GYPE: variants seen among roughly 807,000 people sequenced by gnomAD.
GYPE encodes the protein glycophorin E (MNS blood group).
A neutral mutation model predicts 11.6 loss-of-function variants in GYPE; 8 were observed. The observed-to-expected ratio is 0.69, with a 90% CI of 0.41 to 1.25. The LOEUF is 1.25. GYPE is among the 50% of genes most tolerant of loss of function. The pLI is 0.01. For missense variants in GYPE, 90 were observed against 92.8 expected, an observed-to-expected ratio of 0.97 and a Z score of 0.12; for synonymous variants, 28 against 29.6, an observed-to-expected ratio of 0.94 and a Z score of 0.18.
At chr4:143,878,538 T>G (rs1313005779) in intron 2 of GYPE, 8 of 421,904 alleles carry the variant, frequency 1.9e-5, no homozygotes, top group Non-Finnish European at 3.3e-5. Context: ...CAACATATGC[T>G]CTTCTGTTTT....
chr4:143,876,332 T>C (rs1400019676), intron 3 of GYPE, among the ~76,000 whole-genome samples: 12 of 152,302 alleles, frequency 7.9e-5, no homozygotes, highest in African/African-American at 2.6e-4. Flanking sequence ...CAGGCTGGTC[T>C]CAAACTCCTG....
At chr4:143,899,248 G>A (rs1267165599) in intron 1 of GYPE, among the ~76,000 whole-genome samples, 1 of 150,792 alleles carries the variant, frequency 6.6e-6, no homozygotes, top group African/African-American at 2.4e-5. Context: ...ACATCACTAG[G>A]TATGGTACAG....
At chr4:143,880,749 A>G (rs1743993972) in intron 1 of GYPE, among the ~76,000 whole-genome samples, 1 of 152,330 alleles carries the variant, frequency 6.6e-6, no homozygotes, top group South Asian at 2.1e-4. Context: ...GTTTACAGAT[A>G]AAGTGTGCCT....
intron 3 of GYPE, among the ~76,000 whole-genome samples, chr4:143,875,909 G>A (rs566352603): frequency 6.6e-6 from 1 of 151,988 alleles, no homozygotes; most frequent in African/African-American, 2.4e-5. Context: ...GGGAGGCAGA[G>A]GCTGCAGTGA....
chr4:143,900,032 T>C (rs1477831289), intron 1 of GYPE, among the ~76,000 whole-genome samples: 3 of 137,056 alleles, frequency 2.2e-5, no homozygotes, highest in East Asian at 2.2e-4. Flanking sequence ...AGGAAAAGAT[T>C]TGCAAATAGT....
chr4:143,874,216 G>A (rs58456882), intron 3 of GYPE, among the ~76,000 whole-genome samples: 37,175 of 151,612 alleles, frequency 0.25, 4,707 homozygotes, highest in East Asian at 0.36. Context: ...GAAAAAAAGT[G>A]TAAAGAAAAA....
chr4:143,875,323 A>G, intron 3 of GYPE: 1 of 730,742 alleles, frequency 1.4e-6, no homozygotes, highest in Non-Finnish European at 2.2e-6. Context: ...AATAATTTGT[A>G]TTTTGTTTTA....
At chr4:143,891,943 A>G (rs1477842889) in intron 1 of GYPE, among the ~76,000 whole-genome samples, 2 of 151,686 alleles carry the variant, frequency 1.3e-5, no homozygotes, top group Non-Finnish European at 2.9e-5. Flanking sequence ...CTGGTCCTGG[A>G]CTCTTTTTGG....
At chr4:143,872,886 AG>A (rs1312620369) in intron 3 of GYPE, among the ~76,000 whole-genome samples, 1 of 151,394 alleles carries the variant, frequency 6.6e-6, no homozygotes, top group African/African-American at 2.4e-5. Context: ...AGAGGGTTGA[AG>A]GGGGCAGGCC....
chr4:143,876,847 G>A lies in GYPE; in HGVS notation c.145C>T (p.Leu49Phe), dbSNP rs1428631918. The A allele has an allele frequency of 6.3e-7, 1 of 1,598,672 alleles. No homozygotes were observed. Among genetic ancestry groups the A allele is most frequent in the African/African-American group, 1.3e-5 (1 of 74,716 alleles). Residue 49 changes from leucine (L) to phenylalanine (F), a missense_variant, in exon 3 of 4, where the codon CTC becomes TTC. Physicochemically the swap from Leu to Phe is conservative, Grantham distance 22. Coordinates refer to ENST00000358615, the MANE Select transcript of GYPE (RefSeq NM_198682.3). Reference sequence around the variant, plus strand: ...CGAGCCATCGCCCACCAATTAATGAGTGTTATCCCTACAGGAGATAAAGAG... The same window carrying A: ...CGAGCCATCGCCCACCAATTAATGAATGTTATCCCTACAGGAGATAAAGAG... Reference protein sequence around the residue: ...YISSQTNGITLINWWAMARVI... With the variant: ...YISSQTNGITFINWWAMARVI...
chr4:143,903,223 G>T (rs972511735), intron 1 of GYPE, among the ~76,000 whole-genome samples: 1 of 151,654 alleles, frequency 6.6e-6, no homozygotes, highest in African/African-American at 2.4e-5. Context: ...ATTTTAATAA[G>T]ATAGTTGTTG....
chr4:143,881,344 A>G (rs981871356), intron 1 of GYPE, among the ~76,000 whole-genome samples: 3 of 152,108 alleles, frequency 2.0e-5, no homozygotes, highest in African/African-American at 7.2e-5. Flanking sequence ...AAGTTATTTT[A>G]TAAAATTTTA....
chr4:143,890,088 G>A (rs1007956699), intron 1 of GYPE, among the ~76,000 whole-genome samples: 10 of 152,156 alleles, frequency 6.6e-5, no homozygotes, highest in African/African-American at 2.4e-4. Flanking sequence ...GCAAATCAGG[G>A]CTAAATGAAG....
chr4:143,900,029 G>T (rs1481292556), intron 1 of GYPE, among the ~76,000 whole-genome samples: 1 of 135,804 alleles, frequency 7.4e-6, no homozygotes, highest in Admixed American at 7.8e-5. Context: ...TGAAGGAAAA[G>T]ATTTGCAAAT....
chr4:143,905,488 A>G lies in GYPE; in HGVS notation c.20T>C (p.Phe7Ser). 1 of 1,613,270 alleles carries G rather than the reference A, an allele frequency of 6.2e-7. No individual in the cohort carries two copies. The highest frequency in any genetic ancestry group is 8.5e-7 in the Non-Finnish European group (1 of 1,179,342). Residue 7 changes from phenylalanine to serine, a missense_variant, in exon 1 of 4, where the codon TTT becomes TCT. By Grantham distance (155) the Phe-to-Ser change is radical. Coordinates refer to ENST00000358615, the MANE Select transcript of GYPE (RefSeq NM_198682.3). Reference sequence around the variant, plus strand: ...TCACTTACCTGACAATAGTAATACAAAGATTATTTTTCCATACATCCTGAG... The same window carrying G: ...TCACTTACCTGACAATAGTAATACAGAGATTATTTTTCCATACATCCTGAG... MYGKII[F>S]VLLLSGIVSI...
At position 143,905,541 on chromosome 4, in the gene GYPE, C is replaced by CA. The variant is rs1745026172; in HGVS notation, c.-35dup. On this transcript the variant is annotated 5_prime_UTR_variant, in exon 1 of 4. Transcript: ENST00000358615. Reference sequence around the variant, plus strand: ...CACGAGCTGGCTCCTGAAGTTAGTGCAAAAAAACTACCAAAGACAACTGCA... The same window carrying CA: ...CACGAGCTGGCTCCTGAAGTTAGTGCAAAAAAAACTACCAAAGACAACTGCA... The CA allele has an allele frequency of 5.6e-6, 9 of 1,612,372 alleles. No homozygotes were observed. Among genetic ancestry groups the CA allele is most frequent in the African/African-American group, 2.7e-5 (2 of 74,774 alleles).
At chr4:143,901,466 C>T (rs1744865597) in intron 1 of GYPE, among the ~76,000 whole-genome samples, 1 of 17,814 alleles carries the variant, frequency 5.6e-5, no homozygotes, top group African/African-American at 6.4e-5. Context: ...CAGAGATACA[C>T]CCGGAATTTT....
intron 1 of GYPE, among the ~76,000 whole-genome samples, chr4:143,897,080 C>A (rs2149915018): frequency 6.6e-6 from 1 of 152,118 alleles, no homozygotes; most frequent in South Asian, 2.1e-4. Flanking sequence ...ATGGGTGCAG[C>A]ACACCAGCAT....
intron 3 of GYPE, among the ~76,000 whole-genome samples, chr4:143,875,801 T>C (rs1199150157): frequency 6.6e-6 from 1 of 151,868 alleles, no homozygotes; most frequent in African/African-American, 2.4e-5. Context: ...AAACCCCATC[T>C]CTGCTATTAA....
Sources: allele counts gnomAD v4.1 joint callset (sites outside exome capture counted in the v4.1 genomes callset), GRCh38; gene constraint gnomAD v4.1.1; transcripts MANE v1.5; gene names NCBI Gene and HGNC (gene_info 2026-07-23, HGNC 2026-07-21).